The following TAX1BP1 variants were observed in gnomAD, a reference collection of about 807,000 sequenced individuals.
TAX1BP1 encodes the protein Tax1 binding protein 1, also known as tax1-binding protein 1.
In TAX1BP1, 62 loss-of-function variants were observed where a neutral mutation model predicts 97.7. The ratio of observed to expected loss-of-function variants is 0.63; its 90% CI spans 0.52 to 0.78. The LOEUF is 0.78. Among genes scored for constraint, TAX1BP1 ranks in the 30% least tolerant of loss-of-function variants. The pLI is 0.00. For missense variants in TAX1BP1, 867 were observed against 916.1 expected (o/e 0.95, Z 0.69); for synonymous variants, 340 against 304.2 (o/e 1.12, Z -1.23).
At chr7:27,786,572 A>G (rs1178086120) in intron 7 of TAX1BP1, among the ~76,000 whole-genome samples, 5 of 152,168 alleles carry the variant, frequency 3.3e-5, no homozygotes, top group East Asian at 3.8e-4. Flanking sequence ...TTTCAAGAAC[A>G]TTCTGAGTTA....
chr7:27,767,306 G>T (rs1412779044), intron 4 of TAX1BP1, among the ~76,000 whole-genome samples: 2 of 151,922 alleles, frequency 1.3e-5, no homozygotes. Context: ...TAGTTGGATA[G>T]ATTTTTTTAA....
At chr7:27,798,009 C>T (rs1790000351) in intron 12 of TAX1BP1, among the ~76,000 whole-genome samples, 1 of 152,094 alleles carries the variant, frequency 6.6e-6, no homozygotes, top group Admixed American at 6.5e-5. Context: ...CAACACATCC[C>T]TTTCGTTATC....
At chr7:27,784,780 C>A (rs1789410283) in intron 5 of TAX1BP1, among the ~76,000 whole-genome samples, 1 of 151,644 alleles carries the variant, frequency 6.6e-6, no homozygotes. Flanking sequence ...TGTTTGAGCC[C>A]AGGAGTTTCA....
At chr7:27,828,263 C>T (rs1289917849) in intron 16 of TAX1BP1, among the ~76,000 whole-genome samples, 1 of 152,276 alleles carries the variant, frequency 6.6e-6, no homozygotes, top group East Asian at 1.9e-4. Flanking sequence ...AAACCAAATG[C>T]ACTGGTGGGA....
chr7:27,774,201 T>C (rs1788943318), intron 5 of TAX1BP1, among the ~76,000 whole-genome samples: 1 of 130,142 alleles, frequency 7.7e-6, no homozygotes, highest in Admixed American at 8.0e-5. Context: ...TCTTAAGCTA[T>C]CTTTATCTTT....
intron 8 of TAX1BP1, among the ~76,000 whole-genome samples, chr7:27,789,569 A>G (rs1293892528): frequency 6.6e-6 from 1 of 151,942 alleles, no homozygotes; most frequent in Non-Finnish European, 1.5e-5. Flanking sequence ...GCTACTATAC[A>G]TACCATTTTG....
intron 3 of TAX1BP1, among the ~76,000 whole-genome samples, chr7:27,765,553 TA>T (rs1314123282): frequency 6.6e-6 from 1 of 152,158 alleles, no homozygotes; most frequent in African/African-American, 2.4e-5. Flanking sequence ...CATTGTAAAG[TA>T]TATACTTGCC....
intron 5 of TAX1BP1, among the ~76,000 whole-genome samples, chr7:27,781,092 C>T (rs1386582783): frequency 2.0e-5 from 3 of 152,104 alleles, no homozygotes; most frequent in Admixed American, 6.6e-5. Flanking sequence ...ATAATTTAGA[C>T]ACTAATATAT....
rs1403356795 is a variant in TAX1BP1 at position 27,816,474 on chromosome 7, A to G, written c.1890A>G (p.Gln630=). ...NGYVLTLSNA[Q]PVLQYGNPYA... is the part of the protein sequence containing the mutation. ...ATGTTCTCACATTGTCAAATGCACA[A>G]CCAGTTCTGCAATATGGTAATCCTT... The change falls in exon 14 of 17, where the codon CAA becomes CAG. Residue 630 remains glutamine (Q), a synonymous_variant. Transcript: ENST00000396319. The G allele has an allele frequency of 4.5e-6, 7 of 1,564,540 alleles. No individual in the cohort carries two copies. Among genetic ancestry groups the G allele is most frequent in the East Asian group, 2.4e-5 (1 of 41,994 alleles).
intron 3 of TAX1BP1, among the ~76,000 whole-genome samples, chr7:27,761,298 A>G (rs961479429): frequency 2.0e-5 from 3 of 152,152 alleles, no homozygotes; most frequent in Non-Finnish European, 4.4e-5. Flanking sequence ...TGTGTGCTCC[A>G]TTTGTTATAA....
intron 9 of TAX1BP1, 122 bp from the exon 10 acceptor site, chr7:27,792,944 A>C: frequency 3.6e-6 from 3 of 844,166 alleles, no homozygotes; most frequent in Admixed American, 7.1e-5. Context: ...CCTGGGTGAC[A>C]GAGCAAGACT....
intron 5 of TAX1BP1, among the ~76,000 whole-genome samples, chr7:27,780,593 A>G (rs1300726263): frequency 2.6e-5 from 4 of 152,194 alleles, no homozygotes; most frequent in African/African-American, 4.8e-5. Context: ...TTTAGTATCT[A>G]ATACATGGAA....
At position 27,777,082 on chromosome 7, in the gene TAX1BP1, A is replaced by T. The variant is rs547432116; in HGVS notation, c.612+7248A>T. Among the ~76,000 whole-genome samples, 101 of 152,114 alleles carry T rather than the reference A, an allele frequency of 6.6e-4. No individual in the cohort carries two copies. In the South Asian group the frequency reaches 7.3e-3, roughly 11 times the overall value. On this transcript the variant is annotated intron_variant, in intron 5 of 16. Transcript: ENST00000396319. The stretch of plus-strand genomic sequence containing the variant: ...GAACATATGGAATACACATGTTTAA[A>T]TGTCCGTTCATTAACTTGATCATCT...
In TAX1BP1 at chr7:27,785,571, T is replaced by C. The variant is rs559498727; in HGVS notation, c.852+82T>C. The C allele has an allele frequency of 1.6e-4, 185 of 1,151,602 alleles. No individual in the cohort carries two copies. In the African/African-American group the frequency reaches 2.2e-3, roughly 14 times the overall value. 71.3% of individuals were successfully genotyped at this position (1,151,602 alleles called of 1,614,324 possible). A position where few individuals can be genotyped will look rare whatever the true frequency, so the allele number is the denominator to read the frequency against. On this transcript the variant is annotated intron_variant, in intron 7 of 16. Coordinates refer to ENST00000396319, the MANE Select transcript of TAX1BP1 (RefSeq NM_006024.7). ...ACTTAGGGGCTGTAGGTCAGCAATT[T>C]AGGAGCAGCTTAGCTGAGTGGTTCT...
intron 13 of TAX1BP1, among the ~76,000 whole-genome samples, chr7:27,808,713 C>T: frequency 6.6e-6 from 1 of 152,178 alleles, no homozygotes; most frequent in Non-Finnish European, 1.5e-5. Flanking sequence ...TATTTAGGCA[C>T]CCTGGCAAAG....
intron 3 of TAX1BP1, among the ~76,000 whole-genome samples, chr7:27,760,456 G>C (rs544509967): frequency 1.6e-3 from 241 of 150,178 alleles, no homozygotes; most frequent in African/African-American, 5.5e-3. Flanking sequence ...GCAGTGGCGC[G>C]ATCTCGGCTC....
chr7:27,791,748 A>G (rs369667184), intron 8 of TAX1BP1, among the ~76,000 whole-genome samples: 3 of 152,142 alleles, frequency 2.0e-5, no homozygotes, highest in South Asian at 2.1e-4. Flanking sequence ...AGCACTGGGT[A>G]TGTTGCCTGA....
At chr7:27,815,845 C>T (rs1790746330) in intron 13 of TAX1BP1, among the ~76,000 whole-genome samples, 2 of 151,976 alleles carry the variant, frequency 1.3e-5, no homozygotes, top group South Asian at 4.2e-4. Context: ...ACCAGCCTGA[C>T]CAACATGGTG....
rs75265603 is a variant in TAX1BP1, at chr7:27,816,349, G to A, written c.1765G>A (p.Glu589Lys). The A allele has an allele frequency of 6.4e-7, 1 of 1,557,476 alleles. No individual in the cohort carries two copies. ...TCATCTTTGTTTTTGTTAATTTTAG[G>A]AACTTAAAAGGAGTCTAGAAAATCC... ...ELAEVQDNYK[E>K]LKRSLENPAE... The change falls in exon 14 of 17, where the codon GAA becomes AAA. Residue 589 changes from glutamate to lysine, a missense_variant and splice_region_variant. By Grantham distance (56) the Glu-to-Lys change is moderately conservative (BLOSUM62 1). Transcript: ENST00000396319.
Sources: allele counts gnomAD v4.1 joint callset (sites outside exome capture counted in the v4.1 genomes callset), GRCh38; gene constraint gnomAD v4.1.1; transcripts MANE v1.5; gene names NCBI Gene and HGNC (gene_info 2026-07-23, HGNC 2026-07-21).